The following TDRD3 variants were observed in gnomAD, a reference collection of about 807,000 sequenced individuals.
TDRD3 encodes tudor domain containing 3.
Under a neutral mutation model 86.7 loss-of-function variants are expected in TDRD3, and 45 were observed. That is an observed-to-expected ratio of 0.52 (90% CI 0.41 to 0.67). The LOEUF (loss-of-function observed/expected upper bound fraction) is 0.67. TDRD3 is among the 30% of genes least tolerant of loss of function. The probability of loss-of-function intolerance (pLI) is 0.00; values close to 1 mark genes in which losing one functional copy is unlikely to be tolerated. For missense variants in TDRD3, 814 were observed against 889.0 expected, an observed-to-expected ratio of 0.92 and a Z score of 1.07; for synonymous variants, 298 against 301.7, an observed-to-expected ratio of 0.99 and a Z score of 0.13.
At chr13:60,465,052 C>G (rs1344164472) in intron 4 of TDRD3, among the ~76,000 whole-genome samples, 1 of 152,074 alleles carries the variant, frequency 6.6e-6, no homozygotes, top group Non-Finnish European at 1.5e-5. Flanking sequence ...ATCACACATA[C>G]CCCCAAAATA....
rs569464097 is a variant in TDRD3 at position 60,456,155 on chromosome 13, A to C, written c.193-4225A>C. On this transcript the variant is annotated intron_variant, in intron 3 of 13. Transcript: ENST00000377881. ...TGGTTTCTAGAGTTAAGAAAAAAAA[A>C]TTGTTTTAAGTGTTTATCCAGATGT... 1.6e-4 allele frequency among the ~76,000 whole-genome samples: 25 copies of C among 152,264 alleles called. 1 individual carries two copies. The South Asian group carries it at 5.0e-3, about 30-fold the overall frequency.
At chr13:60,456,933 C>T (rs969203351) in intron 3 of TDRD3, among the ~76,000 whole-genome samples, 8 of 151,978 alleles carry the variant, frequency 5.3e-5, no homozygotes, top group Non-Finnish European at 8.8e-5. Context: ...TGGGTTCAAG[C>T]GAGCCACCCA....
chr13:60,483,654 C>A, intron 5 of TDRD3, 121 bp from the exon 6 acceptor site: 3 of 827,680 alleles, frequency 3.6e-6, no homozygotes, highest in South Asian at 2.4e-5. Context: ...CATGGAAGGC[C>A]TTTTTTTTTC....
intron 3 of TDRD3, among the ~76,000 whole-genome samples, chr13:60,449,310 GA>G (rs1955481223): frequency 6.6e-6 from 1 of 151,986 alleles, no homozygotes; most frequent in Non-Finnish European, 1.5e-5. Context: ...ACTTGTATTA[GA>G]AAAAATGGAT....
At chr13:60,476,227 G>A (rs145623356) in intron 5 of TDRD3, among the ~76,000 whole-genome samples, 159 of 152,278 alleles carry the variant, frequency 1.0e-3, no homozygotes, top group East Asian at 3.9e-4. Flanking sequence ...TATGATGACT[G>A]GAAGGGGTCC....
At chr13:60,485,359 G>C (rs941384824) in intron 6 of TDRD3, among the ~76,000 whole-genome samples, 4 of 151,900 alleles carry the variant, frequency 2.6e-5, no homozygotes, top group Non-Finnish European at 5.9e-5. Context: ...TAAGTGCAGA[G>C]ACATCTTTTT....
chr13:60,563,415 AAC>A (rs1387132311), intron 12 of TDRD3, among the ~76,000 whole-genome samples: 1 of 152,172 alleles, frequency 6.6e-6, no homozygotes, highest in Non-Finnish European at 1.5e-5. Flanking sequence ...TCCAAACTCA[AAC>A]TTCCTGAGGT....
chr13:60,474,752 A>G (rs1296257549), intron 5 of TDRD3, among the ~76,000 whole-genome samples: 1 of 151,994 alleles, frequency 6.6e-6, no homozygotes, highest in Non-Finnish European at 1.5e-5. Context: ...TTTAAAAGAT[A>G]TTTTTGTCTT....
chr13:60,518,766 C>G (rs1957224057), intron 10 of TDRD3, among the ~76,000 whole-genome samples: 1 of 152,142 alleles, frequency 6.6e-6, no homozygotes, highest in Non-Finnish European at 1.5e-5. Context: ...AAGCTACAAA[C>G]ATCTCCAGAC....
At chr13:60,401,199 C>A (rs7333390) in intron 1 of TDRD3, among the ~76,000 whole-genome samples, 17,096 of 151,404 alleles carry the variant, frequency 0.11, 1,301 homozygotes, top group African/African-American at 0.21. Context: ...GGGTTCTGCA[C>A]CCTTGGATTC....
intron 1 of TDRD3, among the ~76,000 whole-genome samples, chr13:60,437,405 C>T (rs752824855): frequency 3.3e-5 from 5 of 151,696 alleles, no homozygotes; most frequent in African/African-American, 4.8e-5. Flanking sequence ...GGGTTAGAGG[C>T]GTGAGCCACT....
chr13:60,408,204 C>T (rs1335096476), intron 1 of TDRD3, among the ~76,000 whole-genome samples: 1 of 152,194 alleles, frequency 6.6e-6, no homozygotes, highest in Non-Finnish European at 1.5e-5. Flanking sequence ...CACCTCCCGC[C>T]ATGATTCTGA....
intron 3 of TDRD3, among the ~76,000 whole-genome samples, chr13:60,450,532 A>T (rs1594947331): frequency 6.6e-6 from 1 of 152,124 alleles, no homozygotes. Flanking sequence ...GGTACTTTAT[A>T]TTTCTGGAGG....
At chr13:60,531,294 C>G (rs1203459474) in intron 11 of TDRD3, among the ~76,000 whole-genome samples, 1 of 152,210 alleles carries the variant, frequency 6.6e-6, no homozygotes, top group African/African-American at 2.4e-5. Context: ...ACTCAGACTA[C>G]TTTCCAAAAT....
intron 10 of TDRD3, among the ~76,000 whole-genome samples, chr13:60,523,573 CTT>C (rs67692021): frequency 0.014 from 1,483 of 104,888 alleles, 10 homozygotes; most frequent in African/African-American, 0.051. Context: ...ATACATTTTT[CTT>C]TTTTTTTTTT....
At chr13:60,434,273 C>T (rs1354168192) in intron 1 of TDRD3, among the ~76,000 whole-genome samples, 1 of 151,818 alleles carries the variant, frequency 6.6e-6, no homozygotes, top group Non-Finnish European at 1.5e-5. Flanking sequence ...AGTTGGAGAC[C>T]AGCCTCTGCA....
chr13:60,505,389 G>C (rs147717389), intron 8 of TDRD3, among the ~76,000 whole-genome samples: 1 of 152,158 alleles, frequency 6.6e-6, no homozygotes, highest in African/African-American at 2.4e-5. Context: ...TGCGTCTCTG[G>C]ATTCTTCCTC....
intron 1 of TDRD3, among the ~76,000 whole-genome samples, chr13:60,404,803 C>G (rs1033848758): frequency 3.3e-5 from 5 of 152,214 alleles, no homozygotes; most frequent in Non-Finnish European, 7.3e-5. Context: ...TGGTTTGGTT[C>G]TGCGTCCTCA....
At chr13:60,558,045 T>G (rs1310816588) in intron 12 of TDRD3, among the ~76,000 whole-genome samples, 7 of 152,076 alleles carry the variant, frequency 4.6e-5, no homozygotes, top group Admixed American at 4.6e-4. Flanking sequence ...ATGGTCTTGA[T>G]CTCTTGACCT....
Sources: gnomAD v4.1 joint callset for allele counts (sites outside exome capture counted in the v4.1 genomes callset) on GRCh38, gnomAD v4.1.1 for gene constraint, MANE v1.5 for transcripts, NCBI Gene and HGNC (gene_info 2026-07-23, HGNC 2026-07-21) for gene names.